The following PPARGC1A variants were observed in gnomAD, a reference collection of about 807,000 sequenced individuals.
PPARGC1A encodes the protein PPARG coactivator 1 alpha, also known as peroxisome proliferator-activated receptor gamma coactivator 1-alpha.
PPARGC1A carries 25 observed loss-of-function variants against 88.7 expected under a neutral mutation model. The ratio of observed to expected loss-of-function variants is 0.28; its 90% CI spans 0.21 to 0.39. PPARGC1A has a LOEUF of 0.39. Among genes scored for constraint, PPARGC1A ranks in the 10% least tolerant of loss-of-function variants. PPARGC1A has a pLI of 1.00. For synonymous variants in PPARGC1A, 363 were observed against 355.6 expected (o/e 1.02, Z -0.24); for missense variants, 880 against 968.7 (o/e 0.91, Z 1.22).
chr4:24,013,857 T>C, the PPARGC1A span, among the ~76,000 whole-genome samples: 6 of 152,158 alleles, frequency 3.9e-5, no homozygotes, highest in Non-Finnish European at 7.4e-5. Flanking sequence ...CCCAAATAAG[T>C]TCTTGGGGAA....
the PPARGC1A span, among the ~76,000 whole-genome samples, chr4:24,311,086 CTTTTTTTTTTTTTTT>C: frequency 8.3e-5 from 5 of 59,924 alleles, no homozygotes; most frequent in African/African-American, 3.7e-4. Flanking sequence ...TATAATAATT[CTTTTTTTTTTTTTTT>C]TTTTTTTTTT....
chr4:24,143,490 G>A, the PPARGC1A span, among the ~76,000 whole-genome samples: 1 of 152,138 alleles, frequency 6.6e-6, no homozygotes, highest in Non-Finnish European at 1.5e-5. Flanking sequence ...AAAGAGAAGA[G>A]CTGATCAAGC....
the PPARGC1A span, among the ~76,000 whole-genome samples, chr4:24,171,183 C>A: frequency 0.97 from 147,270 of 152,192 alleles, 71,460 homozygotes; most frequent in East Asian, 1. Context: ...ACACTGAGAC[C>A]GGCGGATCGG....
chr4:23,890,602 C>CTTTTTTTTTTTT (rs56855205), upstream of PPARGC1A, among the ~76,000 whole-genome samples: 5 of 103,232 alleles, frequency 4.8e-5, no homozygotes, highest in Non-Finnish European at 5.7e-5. Flanking sequence ...GCAAACGGGG[C>CTTTTTTTTTTTT]TTTTTTTTTT....
the PPARGC1A span, among the ~76,000 whole-genome samples, chr4:24,140,441 G>C: frequency 6.6e-6 from 1 of 152,074 alleles, no homozygotes; most frequent in African/African-American, 2.4e-5. Flanking sequence ...TTTTGTGACC[G>C]GGTCATTGGA....
At chr4:24,461,201 C>T in the PPARGC1A span, among the ~76,000 whole-genome samples, 4 of 152,308 alleles carry the variant, frequency 2.6e-5, no homozygotes, top group East Asian at 5.8e-4. Flanking sequence ...AGGATTGCAG[C>T]GTAAGCCACA....
chr4:24,042,792 C>T, the PPARGC1A span, among the ~76,000 whole-genome samples: 1 of 152,092 alleles, frequency 6.6e-6, no homozygotes, highest in Non-Finnish European at 1.5e-5. Context: ...ATAAATTATT[C>T]TCTTTTTTAG....
rs779136805 is a variant in PPARGC1A, at chr4:23,812,848, A to G, written c.1918T>C (p.Tyr640His). The G allele has an allele frequency of 1.2e-6, 2 of 1,614,006 alleles. No individual in the cohort carries two copies. Among genetic ancestry groups the G allele is most frequent in the East Asian group, 4.5e-5 (2 of 44,870 alleles). ...TCCCTCTTCAGCCTCTCGTGCTGAT[A>G]TTCCTCGTAGCTGTCATACCTGGGA... The part of the protein sequence containing the change: ...RRPRYDSYEE[Y>H]QHERLKREEY... Residue 640 changes from tyrosine to histidine, a missense_variant, in exon 10 of 13, where the codon TAT (tyrosine) becomes CAT (histidine). Physicochemically the swap from Tyr to His is moderately conservative, Grantham distance 83. Transcript: ENST00000264867.
chr4:24,413,578 G>A, the PPARGC1A span, among the ~76,000 whole-genome samples: 1 of 152,068 alleles, frequency 6.6e-6, no homozygotes, highest in Non-Finnish European at 1.5e-5. Flanking sequence ...TAGCCGGCTG[G>A]GATCCCCACT....
chr4:24,190,544 TATA>T, the PPARGC1A span, among the ~76,000 whole-genome samples: 1 of 151,914 alleles, frequency 6.6e-6, no homozygotes, highest in Non-Finnish European at 1.5e-5. Flanking sequence ...TAAAATAATA[TATA>T]ATAATTATCT....
intron 1 of PPARGC1A, chr4:23,889,078 C>A: frequency 3.0e-6 from 3 of 985,354 alleles, no homozygotes; most frequent in Non-Finnish European, 3.6e-6. Flanking sequence ...AAACTGCTTG[C>A]GTTATTTTCC....
At chr4:24,076,505 T>C in the PPARGC1A span, among the ~76,000 whole-genome samples, 1 of 152,196 alleles carries the variant, frequency 6.6e-6, no homozygotes, top group Admixed American at 6.5e-5. Context: ...GGGGAATTTC[T>C]ATTGAGTCAT....
chr4:23,828,515 C>G lies in PPARGC1A; in HGVS notation c.642G>C (p.Leu214=). The G allele has an allele frequency of 1.2e-6, 2 of 1,613,962 alleles. No homozygotes were observed. Among genetic ancestry groups the G allele is most frequent in the Non-Finnish European group, 1.7e-6 (2 of 1,179,970 alleles). Residue 214 remains leucine, a synonymous_variant, in exon 5 of 13, where the codon CTG becomes CTC. Transcript: ENST00000264867. ...TGTGAGGAGGGTCATCGTTTGTGGTCAGATATTTGAGAAGCTCCGAGCAGG... is the reference window on the plus strand; with the variant it reads ...TGTGAGGAGGGTCATCGTTTGTGGTGAGATATTTGAGAAGCTCCGAGCAGG... The part of the protein sequence containing the change: ...RRPCSELLKY[L]TTNDDPPHTK...
At chr4:24,152,374 T>A in the PPARGC1A span, among the ~76,000 whole-genome samples, 23 of 152,204 alleles carry the variant, frequency 1.5e-4, no homozygotes, top group African/African-American at 5.1e-4. Flanking sequence ...ACATGGTGAA[T>A]GATCCTGGGA....
chr4:24,268,451 G>A, the PPARGC1A span, among the ~76,000 whole-genome samples: 1 of 152,156 alleles, frequency 6.6e-6, no homozygotes, highest in Non-Finnish European at 1.5e-5. Flanking sequence ...GTGGAGATCA[G>A]CCAGCAAACC....
chr4:24,403,541 G>A, the PPARGC1A span, among the ~76,000 whole-genome samples: 1 of 152,166 alleles, frequency 6.6e-6, no homozygotes, highest in Admixed American at 6.5e-5. Flanking sequence ...CGGCACCCTG[G>A]ACAGATTGTC....
At chr4:24,436,446 TCGA>T in the PPARGC1A span, among the ~76,000 whole-genome samples, 1 of 150,884 alleles carries the variant, frequency 6.6e-6, no homozygotes, top group African/African-American at 2.5e-5. Context: ...AGAGCTGACA[TCGA>T]TTGGCCATCC....
At chr4:24,060,716 ATCTT>A in the PPARGC1A span, among the ~76,000 whole-genome samples, 1 of 152,204 alleles carries the variant, frequency 6.6e-6, no homozygotes, top group Non-Finnish European at 1.5e-5. Flanking sequence ...TTCAAATGAA[ATCTT>A]TCTTTGTGCT....
At chr4:24,320,355 CATT>C in the PPARGC1A span, among the ~76,000 whole-genome samples, 1 of 152,140 alleles carries the variant, frequency 6.6e-6, no homozygotes, top group Non-Finnish European at 1.5e-5. Context: ...AACACCACAC[CATT>C]AATTATATGC....
Sources: gnomAD v4.1 joint callset for allele counts (sites outside exome capture counted in the v4.1 genomes callset) on GRCh38, gnomAD v4.1.1 for gene constraint, MANE v1.5 for transcripts, NCBI Gene and HGNC (gene_info 2026-07-23, HGNC 2026-07-21) for gene names.